ARHGEF12: variants seen among roughly 807,000 people sequenced by gnomAD.
ARHGEF12 encodes KMT2A/ARHGEF12 fusion protein.
ARHGEF12 carries 66 observed loss-of-function variants against 211.2 expected under a neutral mutation model. The ratio of observed to expected loss-of-function variants is 0.31; its 90% CI spans 0.26 to 0.38. The LOEUF is 0.38. Ranked by LOEUF, ARHGEF12 falls within the 10% of genes least tolerant of loss-of-function variation. The pLI, the probability that ARHGEF12 is intolerant of heterozygous loss-of-function variation, is 1.00. For synonymous variants in ARHGEF12, 592 were observed against 638.4 expected (o/e 0.93, Z 1.09); for missense variants, 1,429 against 1,869.5 (o/e 0.76, Z 4.34).
chr11:120,450,274 T>G (rs1946165449), intron 21 of ARHGEF12: 1 of 147,218 alleles, frequency 6.8e-6, no homozygotes, highest in Non-Finnish European at 1.5e-5. Flanking sequence ...CCTGGGAGGC[T>G]GAGGTAGTAT....
At chr11:120,371,626 C>T (rs1023367519) in intron 1 of ARHGEF12, among the ~76,000 whole-genome samples, 19 of 152,202 alleles carry the variant, frequency 1.2e-4, no homozygotes, top group African/African-American at 3.9e-4. Context: ...AACATACACT[C>T]ACCTCAGTTA....
Position 120,448,441 on chromosome 11 carries a change from C to T in ARHGEF12, c.1737+93C>T, listed in dbSNP as rs888128072. 1.1e-5 allele frequency: 10 copies of T among 891,214 alleles called. No homozygotes were observed. The African/African-American group carries it at 1.7e-4, about 15-fold the overall frequency. 55.2% of individuals were successfully genotyped at this position (891,214 alleles called of 1,614,324 possible). On this transcript the variant is annotated intron_variant, in intron 20 of 40. Transcript: ENST00000397843. ...TCCATCATCTTAGTATTTACTTAAT[C>T]AGCAAATTAATGCTAGTCATACAAA...
In ARHGEF12 at chr11:120,417,902, A is replaced by G. The variant is rs150890006; in HGVS notation, c.200-2851A>G. 4.6e-5 allele frequency among the ~76,000 whole-genome samples: 7 copies of G among 152,350 alleles called. No homozygotes were observed. In the East Asian group the frequency reaches 1.3e-3, roughly 29 times the overall value. On this transcript the variant is annotated intron_variant, in intron 4 of 40. Coordinates refer to ENST00000397843, the MANE Select transcript of ARHGEF12 (RefSeq NM_015313.3). ...TTTTATAGGTGTCCTAATTACTTGA[A>G]GGAAGTAACACTGAACAGATAACAA...
At chr11:120,339,690 G>C (rs1457673532) in intron 1 of ARHGEF12, among the ~76,000 whole-genome samples, 1 of 152,166 alleles carries the variant, frequency 6.6e-6, no homozygotes, top group Non-Finnish European at 1.5e-5. Context: ...CAGACTAGCT[G>C]GTTTTGGGCG....
intron 23 of ARHGEF12, 25 bp downstream of exon 23, chr11:120,457,275 G>A (rs1591617484): frequency 1.2e-6 from 2 of 1,611,984 alleles, no homozygotes; most frequent in East Asian, 4.5e-5. Context: ...TCTTAGAGAA[G>A]CTTAGGGCAT....
intron 1 of ARHGEF12, among the ~76,000 whole-genome samples, chr11:120,400,320 T>C (rs147222699): frequency 6.6e-6 from 1 of 152,312 alleles, no homozygotes; most frequent in East Asian, 1.9e-4. Flanking sequence ...CCCTGTTTTA[T>C]AAGTAATGAG....
At chr11:120,467,891 C>T (rs1399157410) in intron 29 of ARHGEF12, among the ~76,000 whole-genome samples, 3 of 152,116 alleles carry the variant, frequency 2.0e-5, no homozygotes, top group Admixed American at 1.3e-4. Context: ...GGAGCACAGC[C>T]GTGCTCGTCT....
chr11:120,414,623 CA>C (rs2135622290), intron 4 of ARHGEF12, among the ~76,000 whole-genome samples: 1 of 152,198 alleles, frequency 6.6e-6, no homozygotes, highest in South Asian at 2.1e-4. Context: ...TAGAGATATG[CA>C]CTCATTTACC....
In ARHGEF12 at chr11:120,478,195, A is replaced by T. The variant is rs750062415; in HGVS notation, c.3572A>T (p.Lys1191Ile). The T allele has an allele frequency of 2.5e-6, 4 of 1,613,976 alleles. No individual in the cohort carries two copies. Among genetic ancestry groups the T allele is most frequent in the African/African-American group, 1.3e-5 (1 of 74,922 alleles). ...TTAGAATCTACCTTAATATCGTCAAAACCTCAGTCTCATTCACTGAGTACC... is the reference window on the plus strand; with the variant it reads ...TTAGAATCTACCTTAATATCGTCAATACCTCAGTCTCATTCACTGAGTACC... ...LGLESTLISS[K>I]PQSHSLSTSG... Residue 1191 changes from lysine to isoleucine, a missense_variant, in exon 37 of 41, where the codon AAA (lysine) becomes ATA (isoleucine). This residue lies in a region of ARHGEF12 where 467 missense variants were observed against 468.4 expected (regional missense o/e 1.00). Transcript: ENST00000397843.
rs568880424 is a variant in ARHGEF12, at chr11:120,353,113, T to C, written c.32+15838T>C. On this transcript the variant is annotated intron_variant, in intron 1 of 40. Transcript: ENST00000397843. Reference sequence around the variant, plus strand: ...TTCAGGTTGAACCACTGGAGTCAATTTCAGAAGTTTTGGTCTATCTCAGAA... The same window carrying C: ...TTCAGGTTGAACCACTGGAGTCAATCTCAGAAGTTTTGGTCTATCTCAGAA... Among the ~76,000 whole-genome samples the C allele has an allele frequency of 2.0e-5, 3 of 152,324 alleles. No homozygotes were observed. The East Asian group carries it at 5.8e-4, about 29-fold the overall frequency.
rs1943122848 is a variant in ARHGEF12, at chr11:120,356,088, G to A, written c.32+18813G>A. On this transcript the variant is annotated intron_variant, in intron 1 of 40. Coordinates refer to ENST00000397843, the MANE Select transcript of ARHGEF12 (RefSeq NM_015313.3). ...CAATCCAACATTTGCAATTTCATGT[G>A]ATTCAGGCTAGGAGCAATCTATCAG... 3.3e-5 allele frequency among the ~76,000 whole-genome samples: 5 copies of A among 152,220 alleles called. 1 individual carries two copies. Among genetic ancestry groups the A allele is most frequent in the Admixed American group, 3.3e-4 (5 of 15,282 alleles).
chr11:120,383,750 A>G (rs990502222), intron 1 of ARHGEF12, among the ~76,000 whole-genome samples: 6 of 152,124 alleles, frequency 3.9e-5, no homozygotes, highest in African/African-American at 1.4e-4. Context: ...CCTGGTTCCT[A>G]ACAGATCATG....
Position 120,367,741 on chromosome 11 carries a change from C to T in ARHGEF12, c.32+30466C>T, listed in dbSNP as rs1943469914. On this transcript the variant is annotated intron_variant, in intron 1 of 40. Coordinates refer to ENST00000397843, the MANE Select transcript of ARHGEF12 (RefSeq NM_015313.3). The stretch of plus-strand genomic sequence containing the variant: ...ATCCCAACACTTTGGGAGGCTGAGG[C>T]AGGAGGATTGCTTAAGGTCAGGTGT... Among the ~76,000 whole-genome samples, 5 of 152,240 alleles carry T rather than the reference C, an allele frequency of 3.3e-5. No homozygotes were observed. In the South Asian group the frequency reaches 1.0e-3, roughly 32 times the overall value.
intron 4 of ARHGEF12, among the ~76,000 whole-genome samples, chr11:120,414,695 A>G (rs966360363): frequency 1.2e-4 from 18 of 152,336 alleles, no homozygotes; most frequent in Admixed American, 7.8e-4. Flanking sequence ...CACCAAGAAC[A>G]ATGGGACGGA....
intron 4 of ARHGEF12, among the ~76,000 whole-genome samples, chr11:120,415,764 C>T (rs548224708): frequency 6.6e-6 from 1 of 152,286 alleles, no homozygotes; most frequent in African/African-American, 2.4e-5. Flanking sequence ...TTTATGCAGA[C>T]ACCACAGATA....
intron 1 of ARHGEF12, among the ~76,000 whole-genome samples, chr11:120,405,173 A>T (rs1021413303): frequency 2.0e-5 from 3 of 152,090 alleles, no homozygotes; most frequent in African/African-American, 7.2e-5. Context: ...TATTATGTTT[A>T]TTTCTGTCTT....
At chr11:120,423,092 G>T (rs1368699246) in intron 6 of ARHGEF12, among the ~76,000 whole-genome samples, 4 of 151,906 alleles carry the variant, frequency 2.6e-5, no homozygotes, top group African/African-American at 9.7e-5. Flanking sequence ...AAGAAAAATG[G>T]GCAAAGAATT....
chr11:120,356,076 G>A (rs568224892), intron 1 of ARHGEF12, among the ~76,000 whole-genome samples: 1 of 152,312 alleles, frequency 6.6e-6, no homozygotes, highest in African/African-American at 2.4e-5. Flanking sequence ...TCCAACATTT[G>A]CAATTTCATG....
chr11:120,336,516 G>A lies in ARHGEF12; in HGVS notation c.-728G>A, dbSNP rs1001787436. On this transcript the variant is annotated 5_prime_UTR_variant, in exon 1 of 41. Coordinates refer to ENST00000397843, the MANE Select transcript of ARHGEF12 (RefSeq NM_015313.3). Reference sequence around the variant, plus strand: ...ACGGGCATCTCCCGCCCCTCGCGGGGAGCGTCGGGGAGGAGCCGCCGCCTC... The same window carrying A: ...ACGGGCATCTCCCGCCCCTCGCGGGAAGCGTCGGGGAGGAGCCGCCGCCTC... Among the ~76,000 whole-genome samples, 35 of 151,950 alleles carry A rather than the reference G, an allele frequency of 2.3e-4. No individual in the cohort carries two copies. Among genetic ancestry groups the A allele is most frequent in the Non-Finnish European group, 4.1e-4 (28 of 67,904 alleles).
Sources: gnomAD v4.1 joint callset for allele counts (sites outside exome capture counted in the v4.1 genomes callset) on GRCh38, gnomAD v4.1.1 for gene constraint, gnomAD v4.1.1 regional missense constraint, MANE v1.5 for transcripts, NCBI Gene and HGNC (gene_info 2026-07-23, HGNC 2026-07-21) for gene names.